Variants in SEC14L1 observed in about 807,000 individuals in gnomAD.
SEC14L1 encodes the protein SEC14 like lipid binding 1.
In SEC14L1, 48 loss-of-function variants were observed where a neutral mutation model predicts 85.3. The ratio of observed to expected loss-of-function variants is 0.56; its 90% CI spans 0.45 to 0.72. The LOEUF (loss-of-function observed/expected upper bound fraction) is 0.72. Ranked by LOEUF, SEC14L1 falls within the 30% of genes least tolerant of loss-of-function variation. The pLI, the probability that SEC14L1 is intolerant of heterozygous loss-of-function variation, is 0.00. For synonymous variants in SEC14L1, 391 were observed against 355.5 expected, an observed-to-expected ratio of 1.10 and a Z score of -1.12; for missense variants, 682 against 921.4, an observed-to-expected ratio of 0.74 and a Z score of 3.36.
In SEC14L1 at chr17:77,205,385, G is replaced by A; in HGVS notation, c.1169+39G>A. The A allele has an allele frequency of 4.0e-6, 6 of 1,515,728 alleles. No individual in the cohort carries two copies. In the Middle Eastern group the frequency reaches 6.9e-4, roughly 174 times the overall value. The allele number at this position is 1,515,728 out of a possible 1,614,324, so 93.9% of individuals were successfully genotyped here. ...TTTGTTTTTCCTTTCAACTTACTGA[G>A]AAAACGAATTAAATATTTCTAGTTG... is the stretch of plus-strand genomic sequence containing the variant. On this transcript the variant is annotated intron_variant, in intron 11 of 16. Transcript: ENST00000436233.
At position 77,209,008 on chromosome 17, in the gene SEC14L1, AC is replaced by A. The variant is rs1184867866; in HGVS notation, c.1477-333del. Among the ~76,000 whole-genome samples the A allele has an allele frequency of 2.0e-5, 3 of 152,312 alleles. No individual in the cohort carries two copies. In the East Asian group the frequency reaches 5.8e-4, roughly 29 times the overall value. On this transcript the variant is annotated intron_variant, in intron 13 of 16. Coordinates refer to ENST00000436233, the MANE Select transcript of SEC14L1 (RefSeq NM_001143998.2). The stretch of plus-strand genomic sequence containing the variant: ...AGCAAAACTCTTTTCTTAAAGTAAT[AC>A]TTTTCCTTTACAGGGCAATATAAAT...
Position 77,216,093 on chromosome 17 carries a change from G to A in SEC14L1, c.*2070G>A. The A allele has an allele frequency of 9.8e-7, 1 of 1,025,306 alleles. No homozygotes were observed. The highest frequency in any genetic ancestry group is 5.9e-5 in the Admixed American group (1 of 17,016). 63.5% of individuals were successfully genotyped at this position (1,025,306 alleles called of 1,614,324 possible). On this transcript the variant is annotated 3_prime_UTR_variant, in exon 17 of 17. Coordinates refer to ENST00000436233, the MANE Select transcript of SEC14L1 (RefSeq NM_001143998.2). ...GCTAGTAGGTAGGGTTAGTAGGTAG[G>A]GCTAGTAGGTAGGGTTCGTAGGTAG...
chr17:77,214,855 C>G lies in SEC14L1; in HGVS notation c.*832C>G, dbSNP rs1034609366. On this transcript the variant is annotated 3_prime_UTR_variant, in exon 17 of 17. Transcript: ENST00000436233. ...CCCAGCCCAGTGTAGGCCATCTCCTCTGTGCCCTCTGGTGGCTCATTGTCC... is the reference window on the plus strand; with the variant it reads ...CCCAGCCCAGTGTAGGCCATCTCCTGTGTGCCCTCTGGTGGCTCATTGTCC... 2.0e-6 allele frequency: 2 copies of G among 985,390 alleles called. No individual in the cohort carries two copies. The highest frequency in any genetic ancestry group is 1.2e-4 in the Admixed American group (2 of 16,266). 61.0% of individuals were successfully genotyped at this position (985,390 alleles called of 1,614,324 possible). A position where few individuals can be genotyped will look rare whatever the true frequency, so the allele number is the denominator to read the frequency against.
At chr17:77,204,521 G>GC (rs200340868) in intron 10 of SEC14L1, among the ~76,000 whole-genome samples, 4,806 of 96,770 alleles carry the variant, frequency 0.05, 328 homozygotes, top group Middle Eastern at 0.11. Flanking sequence ...TGCCCAGCCA[G>GC]CTTTTTTTTT....
upstream of SEC14L1, among the ~76,000 whole-genome samples, chr17:77,139,488 G>C (rs1226924816): frequency 7.6e-6 from 1 of 130,878 alleles, no homozygotes; most frequent in African/African-American, 2.9e-5. Context: ...GTCTTTTGAA[G>C]GTGGATGTGA....
intron 3 of SEC14L1, among the ~76,000 whole-genome samples, chr17:77,153,000 C>G (rs1465642879): frequency 6.6e-6 from 1 of 152,176 alleles, no homozygotes; most frequent in Admixed American, 6.5e-5. Flanking sequence ...AGCAAATAGG[C>G]TGTAAGGAGA....
chr17:77,146,293 CCAAAA>C (rs765848185), intron 3 of SEC14L1, among the ~76,000 whole-genome samples: 3 of 152,170 alleles, frequency 2.0e-5, no homozygotes, highest in African/African-American at 4.8e-5. Flanking sequence ...GGGATGTTCT[CCAAAA>C]CACTTGAGTG....
intron 3 of SEC14L1, among the ~76,000 whole-genome samples, chr17:77,184,304 GGAT>G (rs1307444229): frequency 1.3e-5 from 2 of 152,170 alleles, no homozygotes; most frequent in Non-Finnish European, 2.9e-5. Flanking sequence ...GTAACCTGCA[GGAT>G]GATAATTTGA....
intron 3 of SEC14L1, among the ~76,000 whole-genome samples, chr17:77,125,518 G>T (rs1324649451): frequency 6.6e-6 from 1 of 151,446 alleles, no homozygotes; most frequent in East Asian, 1.9e-4. Flanking sequence ...AACGGATAGA[G>T]GAATAAATGG....
At chr17:77,136,569 T>G (rs1388055718), upstream of SEC14L1, among the ~76,000 whole-genome samples, 1 of 152,260 alleles carries the variant, frequency 6.6e-6, no homozygotes, top group Non-Finnish European at 1.5e-5. Context: ...TTTCCCAGCC[T>G]TCTTTGCTCT....
intron 3 of SEC14L1, among the ~76,000 whole-genome samples, chr17:77,126,274 C>T (rs1158186701): frequency 6.6e-6 from 1 of 152,170 alleles, no homozygotes; most frequent in African/African-American, 2.4e-5. Context: ...TCCCCATCTG[C>T]GAAATGGGCT....
intron 6 of SEC14L1, among the ~76,000 whole-genome samples, chr17:77,193,998 C>T (rs534748969): frequency 1.3e-5 from 2 of 152,186 alleles, no homozygotes; most frequent in South Asian, 2.1e-4. Flanking sequence ...GAAATCTATC[C>T]GTGTGGGATT....
At chr17:77,185,216 G>A in intron 3 of SEC14L1, 1 of 985,484 alleles carries the variant, frequency 1.0e-6, no homozygotes, top group Non-Finnish European at 1.2e-6. Context: ...GCCTAGCAGT[G>A]CATTTGGTGG....
chr17:77,096,757 C>A (rs1476359346), intron 3 of SEC14L1, among the ~76,000 whole-genome samples: 1 of 152,002 alleles, frequency 6.6e-6, no homozygotes, highest in Non-Finnish European at 1.5e-5. Context: ...GTAATTTAGC[C>A]AAGACTTTCT....
intron 9 of SEC14L1, among the ~76,000 whole-genome samples, chr17:77,201,671 G>A (rs1040142259): frequency 2.0e-5 from 3 of 152,156 alleles, no homozygotes; most frequent in Non-Finnish European, 2.9e-5. Flanking sequence ...GGCTGGTCTC[G>A]AACTCCTGAC....
upstream of SEC14L1, among the ~76,000 whole-genome samples, chr17:77,136,786 C>T (rs114271536): frequency 9.6e-4 from 146 of 152,240 alleles, no homozygotes; most frequent in African/African-American, 3.3e-3. Flanking sequence ...AAAGTAGCAA[C>T]ACAGAAGGGG....
At chr17:77,142,598 A>C (rs913203686) in intron 1 of SEC14L1, 48 bp from the exon 2 acceptor site, 3 of 151,008 alleles carry the variant, frequency 2.0e-5, no homozygotes, top group African/African-American at 7.3e-5. Flanking sequence ...GAAGTTTCTG[A>C]AATAAAATAC....
At chr17:77,130,256 T>G (rs1567882018) in intron 3 of SEC14L1, 3 of 152,174 alleles carry the variant, frequency 2.0e-5, no homozygotes. Context: ...GCCCCAAGGA[T>G]GCTTCAGCTC....
chr17:77,112,198 A>G (rs779534912), intron 3 of SEC14L1, among the ~76,000 whole-genome samples: 33 of 152,008 alleles, frequency 2.2e-4, no homozygotes, highest in Non-Finnish European at 4.6e-4. Flanking sequence ...GCCTTCCACC[A>G]TGATTGTAAG....
Sources: allele counts gnomAD v4.1 joint callset (sites outside exome capture counted in the v4.1 genomes callset), GRCh38; gene constraint gnomAD v4.1.1; transcripts MANE v1.5; gene names NCBI Gene and HGNC (gene_info 2026-07-23, HGNC 2026-07-21).